The following THSD7A variants were observed in gnomAD, a reference collection of about 807,000 sequenced individuals.
THSD7A encodes the protein thrombospondin type-1 domain-containing protein 7A.
A neutral mutation model predicts 231.3 loss-of-function variants in THSD7A; 96 were observed. That is an observed-to-expected ratio of 0.41 (90% CI 0.35 to 0.49). THSD7A has a LOEUF of 0.49. Among genes scored for constraint, THSD7A ranks in the 20% least tolerant of loss-of-function variants. The probability of loss-of-function intolerance (pLI) is 0.05; values close to 1 mark genes in which losing one functional copy is unlikely to be tolerated. For synonymous variants in THSD7A, 940 were observed against 743.3 expected (o/e 1.26, Z -4.30); for missense variants, 2,290 against 2,070.2 (o/e 1.11, Z -2.06).
intron 2 of THSD7A, among the ~76,000 whole-genome samples, chr7:11,629,644 C>A (rs888919302): frequency 1.3e-5 from 2 of 152,088 alleles, no homozygotes; most frequent in African/African-American, 4.8e-5. Context: ...CCCTCAGGAA[C>A]CATATAGCTC....
intron 1 of THSD7A, among the ~76,000 whole-genome samples, chr7:11,700,182 G>T (rs1329708198): frequency 6.6e-6 from 1 of 151,196 alleles, no homozygotes; most frequent in Non-Finnish European, 1.5e-5. Flanking sequence ...GGACTTTTAT[G>T]GCTGAAGATC....
chr7:11,659,951 T>C (rs565714306), intron 1 of THSD7A, among the ~76,000 whole-genome samples: 13 of 151,632 alleles, frequency 8.6e-5, no homozygotes, highest in Admixed American at 5.9e-4. Flanking sequence ...ATCTCAGGCC[T>C]GACCTCAGAC....
At chr7:11,807,055 G>C (rs1433397483) in intron 1 of THSD7A, among the ~76,000 whole-genome samples, 1 of 151,148 alleles carries the variant, frequency 6.6e-6, no homozygotes. Flanking sequence ...TTTAATATTT[G>C]GTGTTGACAT....
Position 11,375,712 on chromosome 7 carries a change from A to T in THSD7A, c.*82T>A. ...AATTAAAATATATTTTAATCCACAC[A>T]GTTTGGATACATTTGTTGTGGCCTC... On this transcript the variant is annotated 3_prime_UTR_variant, in exon 28 of 28. Coordinates refer to ENST00000423059, the MANE Select transcript of THSD7A (RefSeq NM_015204.3). 9.0e-7 allele frequency: 1 copy of T among 1,116,618 alleles called. No homozygotes were observed. Among genetic ancestry groups the T allele is most frequent in the Non-Finnish European group, 1.3e-6 (1 of 750,040 alleles). The allele number at this position is 1,116,618 out of a possible 1,614,324, so 69.2% of individuals were successfully genotyped here. A position where few individuals can be genotyped will look rare whatever the true frequency, so the allele number is the denominator to read the frequency against.
At chr7:11,391,667 A>G (rs1050434353) in intron 23 of THSD7A, among the ~76,000 whole-genome samples, 2 of 152,128 alleles carry the variant, frequency 1.3e-5, no homozygotes, top group African/African-American at 4.8e-5. Context: ...GGTATGAAAA[A>G]AAGCTCCTGC....
chr7:11,559,707 C>T (rs191688306), intron 4 of THSD7A, among the ~76,000 whole-genome samples: 105 of 151,906 alleles, frequency 6.9e-4, no homozygotes, highest in Middle Eastern at 3.4e-3. Context: ...TAAAATTAAC[C>T]ACTAACGGTC....
At chr7:11,826,166 T>C (rs1238015306) in intron 1 of THSD7A, among the ~76,000 whole-genome samples, 2 of 152,190 alleles carry the variant, frequency 1.3e-5, no homozygotes, top group African/African-American at 4.8e-5. Context: ...TGACTGTCAG[T>C]AATAGTAATG....
intron 11 of THSD7A, among the ~76,000 whole-genome samples, chr7:11,449,754 T>C (rs559433165): frequency 1.6e-4 from 24 of 152,166 alleles, no homozygotes; most frequent in African/African-American, 5.3e-4. Flanking sequence ...GGAAGCAGGA[T>C]TGACCCTTTC....
intron 17 of THSD7A, among the ~76,000 whole-genome samples, chr7:11,414,460 ATTAG>A (rs1783893181): frequency 6.6e-6 from 1 of 152,154 alleles, no homozygotes; most frequent in Non-Finnish European, 1.5e-5. Context: ...CTCAACACAA[ATTAG>A]TTACTGTTCC....
At chr7:11,826,751 G>A (rs1448037471) in intron 1 of THSD7A, among the ~76,000 whole-genome samples, 1 of 149,494 alleles carries the variant, frequency 6.7e-6, no homozygotes, top group African/African-American at 2.5e-5. Flanking sequence ...GGCAATGATT[G>A]CAGTGAGCCA....
intron 8 of THSD7A, among the ~76,000 whole-genome samples, chr7:11,472,824 C>T (rs1785991971): frequency 2.0e-5 from 3 of 152,166 alleles, no homozygotes; most frequent in South Asian, 4.1e-4. Context: ...AATGAGCTCA[C>T]TGGTAGAAGC....
chr7:11,421,772 T>A (rs576276997), intron 16 of THSD7A, among the ~76,000 whole-genome samples: 9 of 152,342 alleles, frequency 5.9e-5, no homozygotes, highest in African/African-American at 2.2e-4. Flanking sequence ...CTTCCTGTCA[T>A]TAACTATTTT....
At chr7:11,595,303 A>C (rs1288047072) in intron 2 of THSD7A, among the ~76,000 whole-genome samples, 1 of 152,118 alleles carries the variant, frequency 6.6e-6, no homozygotes, top group East Asian at 1.9e-4. Flanking sequence ...TCTCTAATTA[A>C]TATAAACAGA....
intron 1 of THSD7A, among the ~76,000 whole-genome samples, chr7:11,829,589 C>G (rs982232631): frequency 1.3e-5 from 2 of 152,126 alleles, no homozygotes; most frequent in Admixed American, 6.5e-5. Context: ...CCAAGCTTAC[C>G]CCATTGGAAC....
chr7:11,723,899 A>G lies in THSD7A; in HGVS notation c.191-86938T>C, dbSNP rs150920365. On this transcript the variant is annotated intron_variant, in intron 1 of 27. Transcript: ENST00000423059. Reference sequence around the variant, plus strand: ...TTAACAGACATTGGAAGGATGTTGGATCTTACTCTGAATGAAGTGGGAAGC... The same window carrying G: ...TTAACAGACATTGGAAGGATGTTGGGTCTTACTCTGAATGAAGTGGGAAGC... Among the ~76,000 whole-genome samples, 58 of 152,066 alleles carry G rather than the reference A, an allele frequency of 3.8e-4. No individual in the cohort carries two copies. In the East Asian group the frequency reaches 9.0e-3, roughly 24 times the overall value.
intron 1 of THSD7A, among the ~76,000 whole-genome samples, chr7:11,699,356 C>T (rs1780505945): frequency 6.6e-6 from 1 of 151,202 alleles, no homozygotes; most frequent in Admixed American, 6.6e-5. Flanking sequence ...ATCTCTTCTC[C>T]TTCATAAAAC....
intron 6 of THSD7A, among the ~76,000 whole-genome samples, chr7:11,525,068 A>G (rs1368199884): frequency 6.6e-6 from 1 of 152,192 alleles, no homozygotes; most frequent in Non-Finnish European, 1.5e-5. Context: ...TAACCTTTCT[A>G]TTGACCAAAG....
chr7:11,414,709 G>A (rs762353103), intron 17 of THSD7A, among the ~76,000 whole-genome samples: 3 of 152,198 alleles, frequency 2.0e-5, no homozygotes, highest in African/African-American at 4.8e-5. Flanking sequence ...TAAGAAACCA[G>A]GAACAAGCCT....
intron 6 of THSD7A, among the ~76,000 whole-genome samples, chr7:11,506,363 T>C (rs11764433): frequency 0.25 from 38,667 of 152,100 alleles, 4,995 homozygotes; most frequent in East Asian, 0.31. Flanking sequence ...CACCACTAAT[T>C]ATAAGAACTT....
Sources: allele counts gnomAD v4.1 joint callset (sites outside exome capture counted in the v4.1 genomes callset), GRCh38; gene constraint gnomAD v4.1.1; transcripts MANE v1.5; gene names NCBI Gene and HGNC (gene_info 2026-07-23, HGNC 2026-07-21).